CCNJ: variants seen among roughly 807,000 people sequenced by gnomAD.
The protein encoded by CCNJ is cyclin J.
CCNJ carries 12 observed loss-of-function variants against 41.4 expected under a neutral mutation model. That is an observed-to-expected ratio of 0.29 (90% CI 0.19 to 0.47). The LOEUF is 0.47. Among genes scored for constraint, CCNJ ranks in the 20% least tolerant of loss-of-function variants. CCNJ has a pLI of 1.00. For synonymous variants in CCNJ, 161 were observed against 173.4 expected, an observed-to-expected ratio of 0.93 and a Z score of 0.56; for missense variants, 340 against 464.6, an observed-to-expected ratio of 0.73 and a Z score of 2.47.
chr10:96,044,493 T>C, intron 2 of CCNJ, 31 bp downstream of exon 2: 2 of 1,442,720 alleles, frequency 1.4e-6, no homozygotes, highest in Non-Finnish European at 1.9e-6. Context: ...GCCTTCTCCT[T>C]CTGTGTGTCG....
intron 3 of CCNJ, among the ~76,000 whole-genome samples, chr10:96,051,135 AC>A (rs2080510116): frequency 6.6e-6 from 1 of 152,242 alleles, no homozygotes; most frequent in Non-Finnish European, 1.5e-5. Context: ...AAATGTGAAA[AC>A]TTTTGCTTAT....
intron 3 of CCNJ, 145 bp from the exon 4 acceptor site, chr10:96,056,556 C>T: frequency 1.6e-6 from 1 of 629,174 alleles, no homozygotes; most frequent in Non-Finnish European, 2.8e-6. Flanking sequence ...ACACAGGGTT[C>T]TGGCACAATT....
intron 3 of CCNJ, among the ~76,000 whole-genome samples, chr10:96,053,775 T>C (rs1242115307): frequency 6.6e-6 from 1 of 152,216 alleles, no homozygotes; most frequent in African/African-American, 2.4e-5. Flanking sequence ...AGCTTTTTAC[T>C]GATGTGTGAA....
chr10:96,057,092 T>C lies in CCNJ; in HGVS notation c.585T>C (p.Tyr195=), dbSNP rs2080715776. The C allele has an allele frequency of 6.2e-7, 1 of 1,614,074 alleles. No homozygotes were observed. The highest frequency in any genetic ancestry group is 8.5e-7 in the Non-Finnish European group (1 of 1,180,006). ...TCATTTTTGGTGTCTCCACAGATTA[T>C]GCCTTTCTAAATTATGCACCTTCTT... ...DYFLEVSLQD[Y]AFLNYAPSLV... The change falls in exon 5 of 6, where the codon TAT becomes TAC. Residue 195 remains tyrosine, a synonymous_variant. Coordinates refer to ENST00000465148, the MANE Select transcript of CCNJ (RefSeq NM_001134375.2).
chr10:96,043,313 G>C, upstream of CCNJ: 1 of 308,000 alleles, frequency 3.2e-6, no homozygotes, highest in Non-Finnish European at 5.9e-6. Flanking sequence ...ACCTCAGCCG[G>C]CGATCAGGCC....
upstream of CCNJ, chr10:96,043,528 G>A: frequency 2.5e-6 from 1 of 393,686 alleles, no homozygotes; most frequent in Admixed American, 4.4e-5. Context: ...GGCAGCGGCG[G>A]GGCCTCAAGT....
In CCNJ at chr10:96,044,410, A is replaced by T; in HGVS notation, c.17A>T (p.Gln6Leu). Residue 6 changes from glutamine (Q) to leucine (L), a missense_variant, in exon 2 of 6, where the codon CAG becomes CTG. This residue lies in a region of CCNJ where 44 missense variants were observed against 43.6 expected (regional missense o/e 1.01). Coordinates refer to ENST00000465148, the MANE Select transcript of CCNJ (RefSeq NM_001134375.2). MELEG[Q>L]WWRGQLAADI... ...CCGGGTCCCATGGAGCTGGAGGGGC[A>T]GTGGTGGCGAGGACAGCTGGCCGCC... 6.4e-7 allele frequency: 1 copy of T among 1,563,102 alleles called. No homozygotes were observed. The highest frequency in any genetic ancestry group is 8.7e-7 in the Non-Finnish European group (1 of 1,150,250).
intron 2 of CCNJ, among the ~76,000 whole-genome samples, chr10:96,048,596 A>G (rs1471759597): frequency 1.3e-5 from 2 of 152,038 alleles, no homozygotes; most frequent in Non-Finnish European, 2.9e-5. Flanking sequence ...ATTACTCCCC[A>G]ATTTCCCACC....
At position 96,058,474 on chromosome 10, in the gene CCNJ, T is replaced by TC; in HGVS notation, c.*234dup. ...ACAAATCCCTGTATGACAAAAATGT[T>TC]CAAGTCCTGGCTGATGGTCCAAATA... On this transcript the variant is annotated 3_prime_UTR_variant, in exon 6 of 6. Transcript: ENST00000465148. 1.9e-6 allele frequency: 1 copy of TC among 516,074 alleles called. No individual in the cohort carries two copies. 32.0% of individuals were successfully genotyped at this position (516,074 alleles called of 1,614,324 possible). A position where few individuals can be genotyped will look rare whatever the true frequency, so the allele number is the denominator to read the frequency against.
At chr10:96,056,573 G>C in intron 3 of CCNJ, 128 bp from the exon 4 acceptor site, 1 of 681,362 alleles carries the variant, frequency 1.5e-6, no homozygotes, top group Non-Finnish European at 2.5e-6. Flanking sequence ...AATTGTATCT[G>C]TGTAAGGTAA....
chr10:96,050,505 ATGT>A, intron 3 of CCNJ, 39 bp downstream of exon 3: 1 of 1,404,398 alleles, frequency 7.1e-7, no homozygotes, highest in Non-Finnish European at 1.0e-6. Flanking sequence ...GAAATTTCTG[ATGT>A]TTATATAATA....
At position 96,060,435 on chromosome 10, in the gene CCNJ, G is replaced by A. The variant is rs1476116807; in HGVS notation, c.*2194G>A. On this transcript the variant is annotated 3_prime_UTR_variant, in exon 6 of 6. Coordinates refer to ENST00000465148, the MANE Select transcript of CCNJ (RefSeq NM_001134375.2). ...AGAACACTGGATTAATAATCTTTTG[G>A]GAGGGTAGAATAAAATAATTGATTA... 6.6e-6 allele frequency: 1 copy of A among 152,520 alleles called. No homozygotes were observed. The highest frequency in any genetic ancestry group is 1.5e-5 in the Non-Finnish European group (1 of 68,010). The allele number at this position is 152,520 out of a possible 1,614,324, so 9.4% of individuals were successfully genotyped here.
intron 2 of CCNJ, among the ~76,000 whole-genome samples, chr10:96,048,641 C>G (rs1426390761): frequency 6.6e-6 from 1 of 152,128 alleles, no homozygotes; most frequent in Non-Finnish European, 1.5e-5. Context: ...CTACTTTGTC[C>G]CTGTAAATAG....
chr10:96,049,481 CTTT>C (rs150769179), intron 2 of CCNJ, among the ~76,000 whole-genome samples: 21 of 108,284 alleles, frequency 1.9e-4, no homozygotes, highest in Non-Finnish European at 3.0e-4. Flanking sequence ...TTTTCTTTTT[CTTT>C]TTTTTTTTTT....
chr10:96,056,684 TC>T lies in CCNJ; in HGVS notation c.281-13del. ...GCCTGACATTTTCTCTCCCCTCCCA[TC>T]CCCTTTTCTTATAAGGTAAATTTGA... On this transcript the variant is annotated splice_polypyrimidine_tract_variant and intron_variant, in intron 3 of 5. Coordinates refer to ENST00000465148, the MANE Select transcript of CCNJ (RefSeq NM_001134375.2). 1.9e-6 allele frequency: 3 copies of T among 1,560,120 alleles called. No individual in the cohort carries two copies. Among genetic ancestry groups the T allele is most frequent in the Non-Finnish European group, 2.6e-6 (3 of 1,154,176 alleles).
At chr10:96,055,333 T>C (rs1218199803) in intron 3 of CCNJ, among the ~76,000 whole-genome samples, 1 of 152,226 alleles carries the variant, frequency 6.6e-6, no homozygotes, top group African/African-American at 2.4e-5. Flanking sequence ...ATAGGCATAA[T>C]ATGATGGTTT....
In CCNJ at chr10:96,050,252, T is replaced by C. The variant is rs199611316; in HGVS notation, c.70-4T>C. The C allele has an allele frequency of 2.6e-5, 42 of 1,608,138 alleles. No homozygotes were observed. Among genetic ancestry groups the C allele is most frequent in the Non-Finnish European group, 3.5e-5 (41 of 1,174,630 alleles). ...CAGACTAAATGTTGTTCCTTTTGAC[T>C]TAGGAGCTGAAGTTGCCCTCCTATA... is the stretch of plus-strand genomic sequence containing the variant. On this transcript the variant is annotated splice_polypyrimidine_tract_variant and splice_region_variant and intron_variant, in intron 2 of 5. Transcript: ENST00000465148.
chr10:96,050,213 G>A (rs750646195), intron 2 of CCNJ, 43 bp from the exon 3 acceptor site: 5 of 1,271,796 alleles, frequency 3.9e-6, no homozygotes, highest in East Asian at 2.3e-5. Flanking sequence ...GTGGGGATAC[G>A]CCTACAGATA....
At chr10:96,048,363 G>A (rs377144356) in intron 2 of CCNJ, among the ~76,000 whole-genome samples, 17 of 152,154 alleles carry the variant, frequency 1.1e-4, no homozygotes, top group East Asian at 5.8e-4. Context: ...TCACCACACT[G>A]TCTTCCACAA....
Sources: allele counts gnomAD v4.1 joint callset (sites outside exome capture counted in the v4.1 genomes callset), GRCh38; gene constraint gnomAD v4.1.1; regional missense constraint gnomAD v4.1.1; transcripts MANE v1.5; gene names NCBI Gene and HGNC (gene_info 2026-07-23, HGNC 2026-07-21).